Variants in CRTC3 observed in about 807,000 individuals in gnomAD.
The protein encoded by CRTC3 is CREB regulated transcription coactivator 3.
Under a neutral mutation model 74.5 loss-of-function variants are expected in CRTC3, and 26 were observed. The ratio of observed to expected loss-of-function variants is 0.35; its 90% confidence interval spans 0.26 to 0.48. The LOEUF (loss-of-function observed/expected upper bound fraction) is 0.48. CRTC3 is among the 20% of genes least tolerant of loss of function. The pLI is 0.99. For synonymous variants in CRTC3, 377 were observed against 325.8 expected (o/e 1.16, Z -1.69); for missense variants, 760 against 787.3 (o/e 0.97, Z 0.41).
intron 9 of CRTC3, among the ~76,000 whole-genome samples, chr15:90,623,594 A>G (rs1968725552): frequency 6.6e-6 from 1 of 151,978 alleles, no homozygotes; most frequent in South Asian, 2.1e-4. Context: ...TGGAGCGTTC[A>G]GCAGAGTCAT....
intron 11 of CRTC3, chr15:90,634,858 C>T: frequency 6.5e-7 from 1 of 1,545,618 alleles, no homozygotes; most frequent in Non-Finnish European, 8.9e-7. Flanking sequence ...TTGCAAGCAA[C>T]AGTAGTCACT....
intron 2 of CRTC3, among the ~76,000 whole-genome samples, chr15:90,541,850 A>G (rs1201484794): frequency 1.4e-5 from 2 of 146,016 alleles, no homozygotes. Context: ...CAGTAGTGCA[A>G]TCTCAGCTCA....
intron 2 of CRTC3, among the ~76,000 whole-genome samples, chr15:90,582,600 T>A (rs1049706712): frequency 6.6e-6 from 1 of 152,198 alleles, no homozygotes; most frequent in African/African-American, 2.4e-5. Context: ...CTTTGTTTTT[T>A]AAATTATGTA....
In CRTC3 at chr15:90,623,096, G is replaced by A. The variant is rs373773642; in HGVS notation, c.750-2680G>A. 7.2e-5 allele frequency among the ~76,000 whole-genome samples: 11 copies of A among 152,204 alleles called. No individual in the cohort carries two copies. The South Asian group carries it at 1.2e-3, about 17-fold the overall frequency. ...ACCCTTCTCTGGTCCTAGGGACACCGAGGTCCCTCCTAGTCAGGCCGGCCA... is the reference window on the plus strand; with the variant it reads ...ACCCTTCTCTGGTCCTAGGGACACCAAGGTCCCTCCTAGTCAGGCCGGCCA... On this transcript the variant is annotated intron_variant, in intron 9 of 14. Transcript: ENST00000268184.
At chr15:90,606,203 C>T (rs1325166443) in intron 5 of CRTC3, among the ~76,000 whole-genome samples, 1 of 152,056 alleles carries the variant, frequency 6.6e-6, no homozygotes, top group Non-Finnish European at 1.5e-5. Context: ...TTGCAGTGAA[C>T]ACCACTGTAC....
chr15:90,626,547 G>A (rs1596138267), intron 10 of CRTC3, among the ~76,000 whole-genome samples: 1 of 151,624 alleles, frequency 6.6e-6, no homozygotes, highest in East Asian at 1.9e-4. Context: ...TACTCTCTGG[G>A]TTTGATTGTC....
At position 90,643,927 on chromosome 15, in the gene CRTC3, T is replaced by C. The variant is rs75721774; in HGVS notation, c.*1787T>C. 3,729 of 232,732 alleles carry C rather than the reference T, an allele frequency of 0.016. 138 individuals are homozygous for C. The highest frequency in any genetic ancestry group is 0.075 in the African/African-American group (3,417 of 45,390). 14.4% of individuals were successfully genotyped at this position (232,732 alleles called of 1,614,324 possible). A position where few individuals can be genotyped will look rare whatever the true frequency, so the allele number is the denominator to read the frequency against. On this transcript the variant is annotated 3_prime_UTR_variant, in exon 15 of 15. Transcript: ENST00000268184. ...CTGAATCTGGCACACCTGTCCCTTATGTAAAAGGAGTCGTGGTCACAAGAC... is the reference window on the plus strand; with the variant it reads ...CTGAATCTGGCACACCTGTCCCTTACGTAAAAGGAGTCGTGGTCACAAGAC...
At chr15:90,586,844 T>C (rs1340269140) in intron 2 of CRTC3, among the ~76,000 whole-genome samples, 1 of 152,252 alleles carries the variant, frequency 6.6e-6, no homozygotes, top group East Asian at 1.9e-4. Flanking sequence ...GTCTTGATTG[T>C]TCACACATAA....
At position 90,619,661 on chromosome 15, in the gene CRTC3, A is replaced by G. The variant is rs1968588865; in HGVS notation, c.700-80A>G. ...CTCACTTGCGCCCACTAGAGCCTCA[A>G]GGTCCTTACGAAGACACTTTTCAAA... On this transcript the variant is annotated intron_variant, in intron 8 of 14. Coordinates refer to ENST00000268184, the MANE Select transcript of CRTC3 (RefSeq NM_022769.5). 15 of 1,163,308 alleles carry G rather than the reference A, an allele frequency of 1.3e-5. No individual in the cohort carries two copies. In the South Asian group the frequency reaches 1.8e-4, roughly 14 times the overall value. The allele number at this position is 1,163,308 out of a possible 1,614,324, so 72.1% of individuals were successfully genotyped here.
intron 2 of CRTC3, among the ~76,000 whole-genome samples, chr15:90,572,737 A>C (rs1044858864): frequency 1.3e-5 from 2 of 151,980 alleles, no homozygotes; most frequent in Non-Finnish European, 2.9e-5. Context: ...CACCATACCC[A>C]GCTAATTTTT....
intron 2 of CRTC3, among the ~76,000 whole-genome samples, chr15:90,586,556 G>A (rs1033095499): frequency 6.6e-6 from 1 of 151,648 alleles, no homozygotes; most frequent in African/African-American, 2.4e-5. Context: ...AGTAGAGACG[G>A]GGTTTCTGTT....
rs542283589 is a variant in CRTC3 at position 90,637,546 on chromosome 15, AAAAAT to A, written c.1267-893_1267-889del. Among the ~76,000 whole-genome samples the A allele has an allele frequency of 1.2e-3, 166 of 141,928 alleles. 1 individual carries two copies. Among genetic ancestry groups the A allele is most frequent in the African/African-American group, 3.3e-3 (134 of 40,866 alleles). 93.1% of individuals were successfully genotyped at this position (141,928 alleles called of 152,430 possible). ...TGTGCACATGTACCCTAGAACTTAAAAAAATAAAATATTAAAGAAAAAGAAATTTC... is the reference window on the plus strand; with the variant it reads ...TGTGCACATGTACCCTAGAACTTAAAAAAATATTAAAGAAAAAGAAATTTC... On this transcript the variant is annotated intron_variant, in intron 11 of 14. Coordinates refer to ENST00000268184, the MANE Select transcript of CRTC3 (RefSeq NM_022769.5).
chr15:90,639,690 T>A (rs1245804315), intron 13 of CRTC3, among the ~76,000 whole-genome samples: 1 of 150,300 alleles, frequency 6.7e-6, no homozygotes, highest in Middle Eastern at 3.2e-3. Context: ...CCTCAAGTGA[T>A]CCACCCGCCT....
intron 1 of CRTC3, among the ~76,000 whole-genome samples, chr15:90,535,564 T>G (rs955956573): frequency 1.2e-4 from 19 of 152,138 alleles, no homozygotes; most frequent in African/African-American, 4.6e-4. Flanking sequence ...AAGAGCAACT[T>G]GTGTTGAGGA....
At chr15:90,641,056 C>G (rs113674529) in intron 13 of CRTC3, 41 bp from the exon 14 acceptor site, 2 of 1,320,764 alleles carry the variant, frequency 1.5e-6, no homozygotes, top group Non-Finnish European at 2.2e-6. Flanking sequence ...TCCTTGGAAA[C>G]AGAGGTGTGG....
At chr15:90,629,752 C>A (rs1026188308) in intron 11 of CRTC3, among the ~76,000 whole-genome samples, 1 of 152,182 alleles carries the variant, frequency 6.6e-6, no homozygotes, top group East Asian at 1.9e-4. Flanking sequence ...GAGAAAGGGT[C>A]TCACTCTGTT....
At chr15:90,556,705 G>A (rs1432766045) in intron 2 of CRTC3, among the ~76,000 whole-genome samples, 1 of 151,662 alleles carries the variant, frequency 6.6e-6, no homozygotes, top group Non-Finnish European at 1.5e-5. Context: ...AAATCAAAAG[G>A]GCCATTAATT....
chr15:90,538,312 C>G (rs149393956), intron 1 of CRTC3, among the ~76,000 whole-genome samples: 1 of 101,594 alleles, frequency 9.8e-6, no homozygotes, highest in Non-Finnish European at 2.0e-5. Context: ...ATTCCTATAA[C>G]TCCACTCCTA....
At position 90,569,555 on chromosome 15, in the gene CRTC3, T is replaced by C. The variant is rs1567169093; in HGVS notation, c.232-24081T>C. Among the ~76,000 whole-genome samples, 2 of 47,274 alleles carry C rather than the reference T, an allele frequency of 4.2e-5. 1 individual carries two copies. Among genetic ancestry groups the C allele is most frequent in the Non-Finnish European group, 1.3e-4 (2 of 15,482 alleles). 31.0% of individuals were successfully genotyped at this position (47,274 alleles called of 152,430 possible). ...GCTGGTCTCAAACTCCTGAGACATATACCTGTTGTAAATTGGTATACGTCT... is the reference window on the plus strand; with the variant it reads ...GCTGGTCTCAAACTCCTGAGACATACACCTGTTGTAAATTGGTATACGTCT... On this transcript the variant is annotated intron_variant, in intron 2 of 14. Coordinates refer to ENST00000268184, the MANE Select transcript of CRTC3 (RefSeq NM_022769.5).
Sources: gnomAD v4.1 joint callset for allele counts (sites outside exome capture counted in the v4.1 genomes callset) on GRCh38, gnomAD v4.1.1 for gene constraint, MANE v1.5 for transcripts, NCBI Gene and HGNC (gene_info 2026-07-23, HGNC 2026-07-21) for gene names.